The following PLA2G4E variants were observed in gnomAD, a reference collection of about 807,000 sequenced individuals.
PLA2G4E encodes the protein cytosolic phospholipase A2 epsilon.
Under a neutral mutation model 109.1 loss-of-function variants are expected in PLA2G4E, and 84 were observed. The ratio of observed to expected loss-of-function variants is 0.77; its 90% CI spans 0.65 to 0.92. The LOEUF (loss-of-function observed/expected upper bound fraction) is 0.92, where lower values mean the gene tolerates loss of function less well. Ranked by LOEUF, PLA2G4E falls within the 40% of genes least tolerant of loss-of-function variation. The probability of loss-of-function intolerance (pLI) is 0.00; values close to 1 mark genes in which losing one functional copy is unlikely to be tolerated. For synonymous variants in PLA2G4E, 469 were observed against 436.1 expected, an observed-to-expected ratio of 1.08 and a Z score of -0.94; for missense variants, 1,057 against 1,076.6, an observed-to-expected ratio of 0.98 and a Z score of 0.25.
intron 1 of PLA2G4E, among the ~76,000 whole-genome samples, chr15:42,047,942 T>C (rs1397488925): frequency 6.6e-6 from 1 of 152,178 alleles, no homozygotes; most frequent in Non-Finnish European, 1.5e-5. Flanking sequence ...GGTAGCAAGA[T>C]AGAAAATATT....
chr15:41,995,755 G>C (rs1048027465), intron 11 of PLA2G4E, among the ~76,000 whole-genome samples: 11 of 152,204 alleles, frequency 7.2e-5, no homozygotes, highest in Non-Finnish European at 1.3e-4. Flanking sequence ...ATCACAGAAA[G>C]CTGTGGCTAG....
exon 18 of PLA2G4E, chr15:41,985,854 A>G: frequency 6.2e-7 from 1 of 1,611,036 alleles, no homozygotes; most frequent in Non-Finnish European, 8.5e-7. Flanking sequence ...TCTGGGACCC[A>G]GCACAGTAGT....
chr15:42,034,769 GAGA>G (rs1889179195), intron 1 of PLA2G4E, among the ~76,000 whole-genome samples: 3 of 152,202 alleles, frequency 2.0e-5, no homozygotes, highest in Non-Finnish European at 4.4e-5. Context: ...AAAAAGTTGA[GAGA>G]AGGAGAAAAA....
intron 1 of PLA2G4E, among the ~76,000 whole-genome samples, chr15:42,036,185 A>C (rs1595577640): frequency 6.6e-6 from 1 of 152,196 alleles, no homozygotes; most frequent in East Asian, 1.9e-4. Context: ...CGGCCGCAGC[A>C]GGGAGGGTGC....
chr15:42,000,355 A>G, intron 7 of PLA2G4E, 73 bp from the exon 8 acceptor site: 1 of 1,405,928 alleles, frequency 7.1e-7, no homozygotes, highest in South Asian at 1.4e-5. Flanking sequence ...CCAGCAAAAA[A>G]CCTATTTGGA....
chr15:42,030,407 G>A (rs902903285), intron 1 of PLA2G4E, among the ~76,000 whole-genome samples: 2 of 152,158 alleles, frequency 1.3e-5, no homozygotes, highest in Non-Finnish European at 2.9e-5. Flanking sequence ...CTTTATCTGC[G>A]AGGAACAGCC....
intron 1 of PLA2G4E, among the ~76,000 whole-genome samples, chr15:42,045,514 G>T (rs772349187): frequency 7.4e-4 from 113 of 152,238 alleles, no homozygotes; most frequent in Admixed American, 1.7e-3. Flanking sequence ...ACAAGCAGCT[G>T]CAGAGCTTGT....
chr15:42,003,305 C>G (rs2068439924), intron 5 of PLA2G4E, among the ~76,000 whole-genome samples: 1 of 152,228 alleles, frequency 6.6e-6, no homozygotes, highest in South Asian at 2.1e-4. Flanking sequence ...GTCGCCCAGG[C>G]TGGAGTGCAA....
At chr15:41,995,442 T>G (rs374727005) in exon 12 of PLA2G4E, 1 of 1,613,832 alleles carries the variant, frequency 6.2e-7, no homozygotes, top group Non-Finnish European at 8.5e-7. Flanking sequence ...TGGCCATACA[T>G]GGAGGTCATG....
intron 1 of PLA2G4E, among the ~76,000 whole-genome samples, chr15:42,018,209 T>C (rs1193707876): frequency 6.6e-6 from 1 of 152,210 alleles, no homozygotes; most frequent in East Asian, 1.9e-4. Flanking sequence ...CAAAAATTCA[T>C]GGCCTGGAGG....
intron 2 of PLA2G4E, chr15:42,010,048 G>A (rs552146127): frequency 2.1e-6 from 1 of 467,868 alleles, no homozygotes. Flanking sequence ...AGGTCAGTGT[G>A]TCTCATTGCT....
intron 17 of PLA2G4E, chr15:41,986,883 A>T: frequency 2.3e-6 from 1 of 440,532 alleles, no homozygotes; most frequent in Admixed American, 3.7e-5. Flanking sequence ...CTGTTTCCCC[A>T]TCTGTAACAT....
intron 5 of PLA2G4E, among the ~76,000 whole-genome samples, chr15:42,004,158 C>T (rs2068448946): frequency 6.6e-6 from 1 of 152,080 alleles, no homozygotes. Flanking sequence ...AAGAATTAGC[C>T]TAGCATGGTG....
Position 42,011,734 on chromosome 15 carries a change from TAAAATA to T in PLA2G4E, c.256+1945_256+1950del, listed in dbSNP as rs370765657. 5.3e-4 allele frequency among the ~76,000 whole-genome samples: 81 copies of T among 151,606 alleles called. No individual in the cohort carries two copies. The South Asian group carries it at 8.2e-3, about 15-fold the overall frequency. ...AACAGAGTGAGACTCTGTCTCAAAA[TAAAATA>T]AAAATAAAAATAAAAATAAAAAGCA... On this transcript the variant is annotated intron_variant, in intron 2 of 19. Transcript: ENST00000399518.
At chr15:42,008,482 G>A (rs2068500319) in intron 2 of PLA2G4E, among the ~76,000 whole-genome samples, 1 of 152,210 alleles carries the variant, frequency 6.6e-6, no homozygotes. Context: ...GCAGCATCAG[G>A]TTATGGCCCA....
At chr15:41,997,241 C>T in exon 11 of PLA2G4E, 5 of 1,547,762 alleles carry the variant, frequency 3.2e-6, no homozygotes, top group Non-Finnish European at 4.4e-6. Context: ...AGCCCAGCCG[C>T]ACGTCCAGTG....
At chr15:42,005,184 G>A (rs2068462962) in intron 4 of PLA2G4E, among the ~76,000 whole-genome samples, 1 of 152,178 alleles carries the variant, frequency 6.6e-6, no homozygotes, top group African/African-American at 2.4e-5. Flanking sequence ...CAGCCCAGGG[G>A]AGGTCAGGGT....
intron 13 of PLA2G4E, among the ~76,000 whole-genome samples, chr15:41,992,408 T>C (rs1668583): frequency 0.94 from 143,779 of 152,270 alleles, 68,055 homozygotes; most frequent in African/African-American, 0.98. Flanking sequence ...ACTCGCTTCA[T>C]GGCGTCACTG....
chr15:41,986,152 T>C, intron 17 of PLA2G4E, 147 bp from the exon 18 acceptor site: 1 of 751,356 alleles, frequency 1.3e-6, no homozygotes, highest in Non-Finnish European at 2.2e-6. Flanking sequence ...GCCCTCTGGG[T>C]GGCTGAGGAA....
Sources: gnomAD v4.1 joint callset for allele counts (sites outside exome capture counted in the v4.1 genomes callset) on GRCh38, gnomAD v4.1.1 for gene constraint, MANE v1.5 for transcripts, NCBI Gene and HGNC (gene_info 2026-07-23, HGNC 2026-07-21) for gene names.